The following ERBB4 variants were observed in gnomAD, a reference collection of about 807,000 sequenced individuals.
ERBB4 encodes the protein receptor tyrosine-protein kinase erbB-4.
ERBB4 carries 42 observed loss-of-function variants against 158.0 expected under a neutral mutation model. The ratio of observed to expected loss-of-function variants is 0.27; its 90% CI spans 0.21 to 0.34. The LOEUF (loss-of-function observed/expected upper bound fraction) is 0.34. Among genes scored for constraint, ERBB4 ranks in the 10% least tolerant of loss-of-function variants. ERBB4 has a pLI of 1.00. For missense variants in ERBB4, 1,333 were observed against 1,624.1 expected (o/e 0.82, Z 3.08); for synonymous variants, 583 against 558.7 (o/e 1.04, Z -0.61).
In ERBB4 at chr2:211,413,360, A is replaced by T. The variant is rs577104339; in HGVS notation, c.3135+7081T>A. Among the ~76,000 whole-genome samples, 520 of 150,744 alleles carry T rather than the reference A, an allele frequency of 3.4e-3. 4 individuals carry two copies. The highest frequency in any genetic ancestry group is 0.012 in the African/African-American group (502 of 40,692). On this transcript the variant is annotated intron_variant, in intron 25 of 27. Transcript: ENST00000342788. ...CACACACACACACATTGATAAAAAAAAAAATAAAAAAACCAAAAACAAACA... is the reference window on the plus strand; with the variant it reads ...CACACACACACACATTGATAAAAAATAAAATAAAAAAACCAAAAACAAACA...
At chr2:211,610,162 T>C (rs972535636) in intron 19 of ERBB4, among the ~76,000 whole-genome samples, 3 of 152,190 alleles carry the variant, frequency 2.0e-5, no homozygotes, top group African/African-American at 7.2e-5. Flanking sequence ...TGTGTAAAGA[T>C]ACATATGTCT....
chr2:211,537,802 T>A (rs1167810282), intron 20 of ERBB4, among the ~76,000 whole-genome samples: 1 of 151,986 alleles, frequency 6.6e-6, no homozygotes, highest in East Asian at 1.9e-4. Context: ...AAATCAAGAT[T>A]GAAGTTTATT....
At chr2:211,573,511 G>A (rs964252797) in intron 19 of ERBB4, among the ~76,000 whole-genome samples, 1 of 151,472 alleles carries the variant, frequency 6.6e-6, no homozygotes, top group Admixed American at 6.6e-5. Flanking sequence ...TCTACTAAAA[G>A]TACAAAAAAT....
At chr2:212,087,015 C>T (rs1011387907) in intron 2 of ERBB4, among the ~76,000 whole-genome samples, 10 of 152,002 alleles carry the variant, frequency 6.6e-5, no homozygotes, top group Admixed American at 3.9e-4. Flanking sequence ...GTCACATCCA[C>T]TTATATTCTC....
chr2:212,392,662 C>T (rs1171233524), intron 1 of ERBB4, among the ~76,000 whole-genome samples: 1 of 152,006 alleles, frequency 6.6e-6, no homozygotes, highest in Admixed American at 6.6e-5. Flanking sequence ...GAATGAGTTC[C>T]CGATCATCCT....
At chr2:212,015,212 G>A (rs1180180105) in intron 2 of ERBB4, among the ~76,000 whole-genome samples, 1 of 148,080 alleles carries the variant, frequency 6.8e-6, no homozygotes, top group Non-Finnish European at 1.5e-5. Context: ...CTTGCAGTGA[G>A]CCAAGATCGC....
intron 1 of ERBB4, among the ~76,000 whole-genome samples, chr2:212,377,433 T>C (rs2090361950): frequency 6.6e-6 from 1 of 151,960 alleles, no homozygotes; most frequent in East Asian, 1.9e-4. Context: ...CTAGGCTGTA[T>C]GGTATAGTCT....
intron 16 of ERBB4, among the ~76,000 whole-genome samples, chr2:211,636,338 T>C (rs1421308038): frequency 6.6e-6 from 1 of 152,054 alleles, no homozygotes; most frequent in Non-Finnish European, 1.5e-5. Context: ...TTTAATCATA[T>C]GTCTACTTCT....
rs1416405119 is a variant in ERBB4, at chr2:211,378,042, T to C, written c.*5573A>G. 1 of 233,044 alleles carries C rather than the reference T, an allele frequency of 4.3e-6. No homozygotes were observed. Among genetic ancestry groups the C allele is most frequent in the African/African-American group, 2.2e-5 (1 of 45,282 alleles). The allele number at this position is 233,044 out of a possible 1,614,324, so 14.4% of individuals were successfully genotyped here. ...GGGGTGTAGGATCTCAGAGATCCAC[T>C]ATGGCTTAAGAAAGGAACAGGACAG... On this transcript the variant is annotated 3_prime_UTR_variant, in exon 28 of 28. Transcript: ENST00000342788.
intron 1 of ERBB4, among the ~76,000 whole-genome samples, chr2:212,314,006 C>T (rs1370523336): frequency 1.3e-5 from 2 of 150,922 alleles, no homozygotes; most frequent in Non-Finnish European, 3.0e-5. Context: ...AGATACTAGC[C>T]AAACAGTGAA....
intron 3 of ERBB4, among the ~76,000 whole-genome samples, chr2:211,853,005 CAGCCTACTACTGGATCT>C (rs1219859719): frequency 2.0e-5 from 3 of 151,988 alleles, no homozygotes; most frequent in Non-Finnish European, 4.4e-5. Flanking sequence ...CTTGTCATCA[CAGCCTACTACTGGATCT>C]AGTTCTGTCG....
intron 1 of ERBB4, among the ~76,000 whole-genome samples, chr2:212,477,063 TAAATG>T (rs1304919902): frequency 6.6e-6 from 1 of 152,168 alleles, no homozygotes; most frequent in Non-Finnish European, 1.5e-5. Context: ...TTAAAAAGAT[TAAATG>T]AAATGATCTA....
At chr2:211,501,287 T>C (rs565199892) in intron 20 of ERBB4, among the ~76,000 whole-genome samples, 68 of 151,934 alleles carry the variant, frequency 4.5e-4, no homozygotes, top group Non-Finnish European at 8.1e-4. Flanking sequence ...ACTACCACAA[T>C]AGGGCTACCA....
At chr2:212,441,866 C>A (rs2092261835) in intron 1 of ERBB4, among the ~76,000 whole-genome samples, 2 of 152,144 alleles carry the variant, frequency 1.3e-5, no homozygotes, top group Non-Finnish European at 2.9e-5. Flanking sequence ...TTTAGACATA[C>A]TCATCCCAGC....
chr2:211,472,864 G>C (rs1046235354), intron 20 of ERBB4, among the ~76,000 whole-genome samples: 1 of 151,422 alleles, frequency 6.6e-6, no homozygotes, highest in Non-Finnish European at 1.5e-5. Context: ...GTAGGTATAG[G>C]GTGGGACCTA....
rs1340213272 is a variant in ERBB4, at chr2:212,050,926, T to A, written c.234+73826A>T. Among the ~76,000 whole-genome samples, 3 of 152,136 alleles carry A rather than the reference T, an allele frequency of 2.0e-5. No individual in the cohort carries two copies. The South Asian group carries it at 6.2e-4, about 31-fold the overall frequency. ...TGGGTATTTCTGCCGTATGAACAAC[T>A]AGAGAAGGTACACCTGCAAGCTTCC... On this transcript the variant is annotated intron_variant, in intron 2 of 27. Coordinates refer to ENST00000342788, the MANE Select transcript of ERBB4 (RefSeq NM_005235.3).
At chr2:211,384,879 TA>T (rs1170871004) in intron 27 of ERBB4, among the ~76,000 whole-genome samples, 1 of 152,134 alleles carries the variant, frequency 6.6e-6, no homozygotes, top group African/African-American at 2.4e-5. Context: ...CCATCTAGTA[TA>T]GGTATTGGCC....
chr2:211,802,768 T>G (rs55890667), intron 3 of ERBB4, among the ~76,000 whole-genome samples: 31,248 of 152,148 alleles, frequency 0.21, 3,765 homozygotes, highest in Non-Finnish European at 0.28. Context: ...TACAGAACCA[T>G]CTGCTTGTTG....
At chr2:212,368,623 T>C (rs1256024861) in intron 1 of ERBB4, among the ~76,000 whole-genome samples, 1 of 152,158 alleles carries the variant, frequency 6.6e-6, no homozygotes, top group African/African-American at 2.4e-5. Flanking sequence ...TTTTCTTCTG[T>C]AACTGCATAG....
Sources: gnomAD v4.1 joint callset for allele counts (sites outside exome capture counted in the v4.1 genomes callset) on GRCh38, gnomAD v4.1.1 for gene constraint, MANE v1.5 for transcripts, NCBI Gene and HGNC (gene_info 2026-07-23, HGNC 2026-07-21) for gene names.